The following KLF13 variants were observed in gnomAD, a reference collection of about 807,000 sequenced individuals.
KLF13 encodes the protein Krueppel-like factor 13.
Under a neutral mutation model 16.7 loss-of-function variants are expected in KLF13, and 8 were observed. The observed-to-expected ratio is 0.48, with a 90% CI of 0.28 to 0.87. The LOEUF is 0.87. Among genes scored for constraint, KLF13 ranks in the 40% least tolerant of loss-of-function variants. The pLI, the probability that KLF13 is intolerant of heterozygous loss-of-function variation, is 0.10. For synonymous variants in KLF13, 245 were observed against 208.4 expected (o/e 1.18, Z -1.51); for missense variants, 447 against 452.2 (o/e 0.99, Z 0.10).
chr15:31,405,188 C>T (rs758688722), downstream of KLF13, among the ~76,000 whole-genome samples: 1 of 152,142 alleles, frequency 6.6e-6, no homozygotes, highest in Admixed American at 6.5e-5. Flanking sequence ...GTGGTGTGCG[C>T]CTGTAATTCC....
chr15:31,412,088 G>A (rs1226845716), intron 1 of KLF13, among the ~76,000 whole-genome samples: 1 of 152,190 alleles, frequency 6.6e-6, no homozygotes, highest in East Asian at 1.9e-4. Context: ...GCCTTTGGGA[G>A]GGGATTAGGT....
intron 2 of KLF13, among the ~76,000 whole-genome samples, chr15:31,394,962 A>G (rs1566834375): frequency 6.6e-6 from 1 of 152,046 alleles, no homozygotes; most frequent in East Asian, 1.9e-4. Context: ...ATCATGTGTT[A>G]GTACTCCACT....
At chr15:31,362,098 G>A (rs945969698) in intron 1 of KLF13, among the ~76,000 whole-genome samples, 41 of 152,182 alleles carry the variant, frequency 2.7e-4, no homozygotes, top group African/African-American at 6.3e-4. Flanking sequence ...GCCCACAGTG[G>A]TGTCACAAAG....
intron 1 of KLF13, among the ~76,000 whole-genome samples, chr15:31,353,501 G>C (rs2039249552): frequency 6.6e-6 from 1 of 152,234 alleles, no homozygotes; most frequent in African/African-American, 2.4e-5. Flanking sequence ...GGCTTGGGCT[G>C]CTTCCAGATC....
At chr15:31,427,231 T>C (rs147683140) in intron 1 of KLF13, among the ~76,000 whole-genome samples, 77 of 152,172 alleles carry the variant, frequency 5.1e-4, no homozygotes, top group Admixed American at 4.0e-3. Context: ...TCTCTAAGTA[T>C]ATGAAAAGAT....
chr15:31,345,289 C>T (rs2039095302), intron 1 of KLF13, among the ~76,000 whole-genome samples: 1 of 152,162 alleles, frequency 6.6e-6, no homozygotes, highest in Non-Finnish European at 1.5e-5. Flanking sequence ...AGGGGCCTGG[C>T]TTTGGCTGGT....
exon 3 of KLF13, chr15:31,403,670 G>A (rs2140994511): frequency 6.6e-6 from 1 of 152,294 alleles, no homozygotes; most frequent in East Asian, 1.9e-4. Context: ...AATGAGCACT[G>A]GATAGATGGA....
chr15:31,434,105 G>C (rs965098673), intron 1 of KLF13, among the ~76,000 whole-genome samples: 3 of 152,162 alleles, frequency 2.0e-5, no homozygotes. Context: ...ATTGCCACTG[G>C]TGGTACAATG....
chr15:31,332,957 A>T lies in KLF13; in HGVS notation c.577+5168A>T, dbSNP rs903099063. Among the ~76,000 whole-genome samples, 11 of 152,204 alleles carry T rather than the reference A, an allele frequency of 7.2e-5. No individual in the cohort carries two copies. In the East Asian group the frequency reaches 7.7e-4, roughly 11 times the overall value. ...TGAGGTCTGCATGAGAGACCCTGGA[A>T]TAATGAACACTCTAGCAGGGATCTT... On this transcript the variant is annotated intron_variant, in intron 1 of 1. Coordinates refer to ENST00000307145, the MANE Select transcript of KLF13 (RefSeq NM_015995.4).
chr15:31,335,741 G>A (rs1433841102), intron 1 of KLF13, among the ~76,000 whole-genome samples: 4 of 152,208 alleles, frequency 2.6e-5, no homozygotes, highest in Non-Finnish European at 5.9e-5. Flanking sequence ...GAAGCTTGAT[G>A]TCTCAGATTA....
At chr15:31,397,804 AC>A (rs1458307352) in intron 2 of KLF13, among the ~76,000 whole-genome samples, 1 of 137,880 alleles carries the variant, frequency 7.3e-6, no homozygotes, top group East Asian at 2.2e-4. Flanking sequence ...ACAGATGAGG[AC>A]GTGGAGGGGG....
intron 1 of KLF13, among the ~76,000 whole-genome samples, chr15:31,429,309 T>C (rs940092976): frequency 1.3e-5 from 2 of 152,200 alleles, no homozygotes; most frequent in Non-Finnish European, 2.9e-5. Flanking sequence ...TTGAAGACAC[T>C]ATGCTAATGA....
Position 31,374,324 on chromosome 15 carries a change from A to AGAG in KLF13, c.*2027_*2029dup, listed in dbSNP as rs1233340415. 6.6e-6 allele frequency: 1 copy of AGAG among 152,386 alleles called. No homozygotes were observed. Among genetic ancestry groups the AGAG allele is most frequent in the Non-Finnish European group, 1.5e-5 (1 of 68,168 alleles). 9.4% of individuals were successfully genotyped at this position (152,386 alleles called of 1,614,324 possible). ...TCTGCTGTGGTGGGAACTGGCAGGG[A>AGAG]GAGGGTCACCTCCACTCTGGTTGGA... On this transcript the variant is annotated 3_prime_UTR_variant, in exon 2 of 2. Coordinates refer to ENST00000307145, the MANE Select transcript of KLF13 (RefSeq NM_015995.4).
intron 1 of KLF13, chr15:31,340,080 G>A: frequency 8.6e-6 from 6 of 700,102 alleles, no homozygotes; most frequent in South Asian, 7.4e-5. Flanking sequence ...GAGCCTCTCT[G>A]CCTCTAGGCC....
At position 31,419,823 on chromosome 15, in the gene KLF13, G is replaced by C. The variant is rs899179809; in HGVS notation, n.118-15547G>C. On this transcript the variant is annotated intron_variant and non_coding_transcript_variant, in intron 1 of 1. Coordinates refer to the KLF13 transcript ENST00000558225. Reference sequence around the variant, plus strand: ...ACATCCAAATTCTAGAAGCTCGAAGGATGCTGACAAAGAAGAACCCAAAGA... The same window carrying C: ...ACATCCAAATTCTAGAAGCTCGAAGCATGCTGACAAAGAAGAACCCAAAGA... Among the ~76,000 whole-genome samples, 3 of 152,124 alleles carry C rather than the reference G, an allele frequency of 2.0e-5. No homozygotes were observed. The South Asian group carries it at 6.2e-4, about 32-fold the overall frequency.
intron 1 of KLF13, among the ~76,000 whole-genome samples, chr15:31,350,925 T>C (rs555682892): frequency 4.6e-5 from 7 of 152,222 alleles, no homozygotes; most frequent in Non-Finnish European, 1.0e-4. Flanking sequence ...ATGGCCTTTG[T>C]GTAAGAACAT....
chr15:31,402,285 G>A (rs565767126), intron 2 of KLF13, among the ~76,000 whole-genome samples: 1 of 152,328 alleles, frequency 6.6e-6, no homozygotes, highest in Admixed American at 6.5e-5. Context: ...AAAGGAAGAT[G>A]AGGTTTAGAT....
At chr15:31,397,226 CGGGGTGGGGT>C (rs1040036015) in intron 2 of KLF13, among the ~76,000 whole-genome samples, 7 of 4,872 alleles carry the variant, frequency 1.4e-3, no homozygotes, top group African/African-American at 1.9e-3. Context: ...CAGGGTGGGG[CGGGGTGGGGT>C]GGGGTGGGGC....
intron 1 of KLF13, among the ~76,000 whole-genome samples, chr15:31,411,828 A>G (rs1284423892): frequency 1.3e-5 from 2 of 152,218 alleles, no homozygotes; most frequent in Non-Finnish European, 2.9e-5. Flanking sequence ...AATCTATTTG[A>G]AATAAATAGG....
Sources: gnomAD v4.1 joint callset for allele counts (sites outside exome capture counted in the v4.1 genomes callset) on GRCh38, gnomAD v4.1.1 for gene constraint, MANE v1.5 for transcripts, NCBI Gene and HGNC (gene_info 2026-07-23, HGNC 2026-07-21) for gene names.